NRXN3: variants seen among roughly 807,000 people sequenced by gnomAD.
NRXN3 encodes neurexin 3.
Under a neutral mutation model 137.6 loss-of-function variants are expected in NRXN3, and 32 were observed. The observed-to-expected ratio is 0.23, with a 90% CI of 0.18 to 0.31. NRXN3 has a LOEUF of 0.31. Ranked by LOEUF, NRXN3 falls within the 10% of genes least tolerant of loss-of-function variation. The probability of loss-of-function intolerance (pLI) is 1.00; values close to 1 mark genes in which losing one functional copy is unlikely to be tolerated. For synonymous variants in NRXN3, 798 were observed against 784.5 expected, an observed-to-expected ratio of 1.02 and a Z score of -0.29; for missense variants, 1,574 against 2,062.5, an observed-to-expected ratio of 0.76 and a Z score of 4.59.
chr14:79,283,800 C>T (rs969121125), intron 15 of NRXN3, among the ~76,000 whole-genome samples: 4 of 151,998 alleles, frequency 2.6e-5, no homozygotes, highest in African/African-American at 9.7e-5. Flanking sequence ...CTGTGCCAGG[C>T]TGTGGGCTAC....
intron 10 of NRXN3, among the ~76,000 whole-genome samples, chr14:78,858,039 T>G (rs1348724956): frequency 6.6e-6 from 1 of 152,124 alleles, no homozygotes; most frequent in Non-Finnish European, 1.5e-5. Context: ...AAGGTACACT[T>G]ACGAAGGAAA....
intron 6 of NRXN3, among the ~76,000 whole-genome samples, chr14:78,700,490 G>A (rs2098268010): frequency 1.3e-5 from 2 of 152,156 alleles, no homozygotes; most frequent in African/African-American, 4.8e-5. Context: ...AAATGGGAGA[G>A]CTGCTATCCA....
chr14:78,737,918 C>T (rs1175672939), intron 8 of NRXN3, among the ~76,000 whole-genome samples: 1 of 152,164 alleles, frequency 6.6e-6, no homozygotes, highest in African/African-American at 2.4e-5. Context: ...CTGAGGATTG[C>T]TCTGCTCTGT....
At chr14:79,471,995 C>A (rs1264382348) in intron 16 of NRXN3, among the ~76,000 whole-genome samples, 1 of 152,056 alleles carries the variant, frequency 6.6e-6, no homozygotes, top group African/African-American at 2.4e-5. Flanking sequence ...CCTCCTCCCA[C>A]CCTCCACCCT....
At chr14:78,661,992 C>T (rs2152684335) in intron 6 of NRXN3, among the ~76,000 whole-genome samples, 1 of 150,770 alleles carries the variant, frequency 6.6e-6, no homozygotes, top group East Asian at 2.0e-4. Flanking sequence ...TCTCATGCCT[C>T]AGTCTCCGAA....
intron 15 of NRXN3, among the ~76,000 whole-genome samples, chr14:79,393,060 T>C (rs568616848): frequency 1.4e-4 from 21 of 145,584 alleles, no homozygotes; most frequent in Non-Finnish European, 2.8e-4. Flanking sequence ...TTGGTGGGAG[T>C]GTAAATTAGT....
chr14:78,541,369 T>C (rs1257986572), intron 4 of NRXN3, among the ~76,000 whole-genome samples: 1 of 152,236 alleles, frequency 6.6e-6, no homozygotes, highest in Non-Finnish European at 1.5e-5. Flanking sequence ...TAATTTGATC[T>C]TCAATCACTG....
chr14:78,681,928 C>T (rs2098080016), intron 6 of NRXN3, among the ~76,000 whole-genome samples: 1 of 152,082 alleles, frequency 6.6e-6, no homozygotes, highest in Non-Finnish European at 1.5e-5. Flanking sequence ...AGTCCAGTGG[C>T]ACAACCTCGG....
At chr14:78,624,428 TGAG>T (rs1566916599) in intron 4 of NRXN3, among the ~76,000 whole-genome samples, 1 of 152,104 alleles carries the variant, frequency 6.6e-6, no homozygotes, top group Non-Finnish European at 1.5e-5. Context: ...TGTGGATGGA[TGAG>T]GAGATGGAAA....
intron 15 of NRXN3, among the ~76,000 whole-genome samples, chr14:79,318,541 G>T (rs560475919): frequency 6.6e-6 from 1 of 152,304 alleles, no homozygotes; most frequent in South Asian, 2.1e-4. Flanking sequence ...CAAGATTCTA[G>T]AACGAAGTAA....
At chr14:79,485,556 T>C (rs568600857) in intron 16 of NRXN3, among the ~76,000 whole-genome samples, 101 of 152,296 alleles carry the variant, frequency 6.6e-4, no homozygotes, top group African/African-American at 2.4e-3. Context: ...TCTCCTCACA[T>C]TTTTTATCTT....
At chr14:79,805,229 T>C (rs748198398) in intron 20 of NRXN3, 39 bp downstream of exon 20, 13 of 1,531,202 alleles carry the variant, frequency 8.5e-6, no homozygotes, top group Non-Finnish European at 1.2e-5. Flanking sequence ...CTTTCTTTTT[T>C]CTTTTGCAAA....
At chr14:78,405,269 T>C (rs191557555) in intron 4 of NRXN3, among the ~76,000 whole-genome samples, 90 of 152,254 alleles carry the variant, frequency 5.9e-4, no homozygotes, top group Middle Eastern at 3.4e-3. Flanking sequence ...ATGCAGGGGA[T>C]TGAGTCATAC....
At chr14:78,349,451 G>T (rs2215835) in intron 4 of NRXN3, among the ~76,000 whole-genome samples, 9,527 of 152,198 alleles carry the variant, frequency 0.063, 379 homozygotes, top group African/African-American at 0.11. Context: ...TCAGCAATTT[G>T]GGAGCCCTTT....
intron 10 of NRXN3, among the ~76,000 whole-genome samples, chr14:78,871,607 T>G (rs573679863): frequency 6.6e-6 from 1 of 152,222 alleles, no homozygotes; most frequent in South Asian, 2.1e-4. Context: ...TTGATTTGTA[T>G]CCTTTGAATA....
chr14:79,498,316 C>T (rs1320622826), intron 16 of NRXN3, among the ~76,000 whole-genome samples: 2 of 152,126 alleles, frequency 1.3e-5, no homozygotes, highest in African/African-American at 4.8e-5. Context: ...TATCGAGGAT[C>T]CCTTGGGGAA....
chr14:78,454,108 C>T (rs1292384616), intron 4 of NRXN3, among the ~76,000 whole-genome samples: 1 of 152,142 alleles, frequency 6.6e-6, no homozygotes, highest in East Asian at 1.9e-4. Flanking sequence ...CTACTGTGTG[C>T]CAGGCACAAT....
intron 20 of NRXN3, among the ~76,000 whole-genome samples, chr14:79,843,931 A>G (rs1039316142): frequency 6.6e-6 from 1 of 152,124 alleles, no homozygotes; most frequent in Non-Finnish European, 1.5e-5. Context: ...CCCAAAGACC[A>G]TTATATCATT....
intron 10 of NRXN3, among the ~76,000 whole-genome samples, chr14:78,936,959 G>A (rs1233112024): frequency 1.3e-5 from 2 of 151,958 alleles, no homozygotes; most frequent in African/African-American, 2.4e-5. Flanking sequence ...AGTGGCTCAC[G>A]CCTGTAATCC....
Sources: gnomAD v4.1 joint callset for allele counts (sites outside exome capture counted in the v4.1 genomes callset) on GRCh38, gnomAD v4.1.1 for gene constraint, MANE v1.5 for transcripts, NCBI Gene and HGNC (gene_info 2026-07-23, HGNC 2026-07-21) for gene names.